Variants in KIAA1671 observed in about 807,000 individuals in gnomAD.
The protein encoded by KIAA1671 is KIAA1671.
KIAA1671 carries 52 observed loss-of-function variants against 131.2 expected under a neutral mutation model. The ratio of observed to expected loss-of-function variants is 0.40; its 90% CI spans 0.32 to 0.50. KIAA1671 has a LOEUF of 0.50. Among genes scored for constraint, KIAA1671 ranks in the 20% least tolerant of loss-of-function variants. The pLI is 0.73. For missense variants in KIAA1671, 2,360 were observed against 2,364.2 expected, an observed-to-expected ratio of 1.00 and a Z score of 0.04; for synonymous variants, 1,003 against 961.6, an observed-to-expected ratio of 1.04 and a Z score of -0.80.
chr22:25,132,450 A>G (rs1038724108), intron 6 of KIAA1671, among the ~76,000 whole-genome samples: 1 of 152,314 alleles, frequency 6.6e-6, no homozygotes, highest in East Asian at 1.9e-4. Context: ...ATCAAATCCC[A>G]GATCTGCCAG....
At chr22:25,100,855 G>A (rs1290979755) in intron 6 of KIAA1671, among the ~76,000 whole-genome samples, 1 of 152,112 alleles carries the variant, frequency 6.6e-6, no homozygotes, top group Non-Finnish European at 1.5e-5. Context: ...AGGATGGGAG[G>A]GAGGAAGCAA....
At chr22:24,960,743 G>A (rs1454556081) in intron 1 of KIAA1671, among the ~76,000 whole-genome samples, 1 of 149,656 alleles carries the variant, frequency 6.7e-6, no homozygotes, top group East Asian at 2.0e-4. Flanking sequence ...GTAGTAGGCT[G>A]GAGGACAGAT....
At chr22:25,083,440 A>G (rs1028712028) in intron 6 of KIAA1671, among the ~76,000 whole-genome samples, 11 of 152,184 alleles carry the variant, frequency 7.2e-5, no homozygotes, top group Non-Finnish European at 4.4e-5. Context: ...TGGGGGGAAT[A>G]TATTTCAGTC....
Position 25,093,736 on chromosome 22 carries a change from C to CTG in KIAA1671, c.4530+44372_4530+44373insTG, listed in dbSNP as rs1568950981. ...ACACACACACACACACACACACACA[C>CTG]ACTCTCTCTCTCTCTCTCTCTCTCT... On this transcript the variant is annotated intron_variant, in intron 6 of 12. Transcript: ENST00000358431. 4.3e-5 allele frequency among the ~76,000 whole-genome samples: 5 copies of CTG among 115,312 alleles called. 1 individual carries two copies. The highest frequency in any genetic ancestry group is 2.1e-4 in the African/African-American group (5 of 23,738). 75.6% of individuals were successfully genotyped at this position (115,312 alleles called of 152,430 possible). A position where few individuals can be genotyped will look rare whatever the true frequency, so the allele number is the denominator to read the frequency against.
rs926542228 is a variant in KIAA1671 at position 25,138,038 on chromosome 22, A to C, written c.4531-32782A>C. Among the ~76,000 whole-genome samples the C allele has an allele frequency of 5.3e-4, 80 of 152,244 alleles. 1 individual carries two copies. The highest frequency in any genetic ancestry group is 1.7e-3 in the African/African-American group (72 of 41,464). On this transcript the variant is annotated intron_variant, in intron 6 of 12. Coordinates refer to ENST00000358431, the MANE Select transcript of KIAA1671 (RefSeq NM_001145206.2). The stretch of plus-strand genomic sequence containing the variant: ...CTCATTTTTCTTGTGCTTGTCTAAA[A>C]ATTGTTTGCCTCTGTATCTGTCAGG...
In KIAA1671 at chr22:25,197,065, G is replaced by C. The variant is rs1048734177; in HGVS notation, c.*4664G>C. The stretch of plus-strand genomic sequence containing the variant: ...GATAGAAAAGGAGCTCGAGTTCTTT[G>C]TGTAGGAAAGTTAAGCTTCCTGCCT... On this transcript the variant is annotated 3_prime_UTR_variant, in exon 13 of 13. Coordinates refer to ENST00000358431, the MANE Select transcript of KIAA1671 (RefSeq NM_001145206.2). 6.6e-6 allele frequency: 1 copy of C among 152,146 alleles called. No homozygotes were observed. Among genetic ancestry groups the C allele is most frequent in the African/African-American group, 2.4e-5 (1 of 41,428 alleles). The allele number at this position is 152,146 out of a possible 1,614,324, so 9.4% of individuals were successfully genotyped here.
intron 6 of KIAA1671, among the ~76,000 whole-genome samples, chr22:25,163,347 T>C (rs1933518149): frequency 6.9e-6 from 1 of 145,758 alleles, no homozygotes; most frequent in Non-Finnish European, 1.5e-5. Flanking sequence ...TTTTTTTTTT[T>C]TTTTTTTTTT....
intron 7 of KIAA1671, among the ~76,000 whole-genome samples, 195 bp downstream of exon 7, chr22:25,171,133 C>T (rs1048261640): frequency 9.2e-5 from 14 of 152,210 alleles, no homozygotes; most frequent in African/African-American, 3.4e-4. Flanking sequence ...GGTGCGGTGG[C>T]TCACGTCTGT....
chr22:25,113,405 G>A (rs528614079), intron 6 of KIAA1671, among the ~76,000 whole-genome samples: 19 of 152,348 alleles, frequency 1.2e-4, no homozygotes, highest in African/African-American at 3.8e-4. Context: ...GACTGTGTTG[G>A]CCCAGTTTAT....
chr22:25,045,483 C>G (rs1322458501), intron 5 of KIAA1671, among the ~76,000 whole-genome samples: 1 of 152,196 alleles, frequency 6.6e-6, no homozygotes, highest in African/African-American at 2.4e-5. Context: ...GGTTGAGGAA[C>G]CCTGGTCTAG....
At chr22:24,971,845 C>T (rs926348667) in intron 1 of KIAA1671, among the ~76,000 whole-genome samples, 4 of 152,250 alleles carry the variant, frequency 2.6e-5, no homozygotes, top group African/African-American at 9.6e-5. Context: ...GAATTCTTAA[C>T]GTGCCACAGT....
At chr22:25,178,780 C>T (rs962178944) in intron 9 of KIAA1671, among the ~76,000 whole-genome samples, 2 of 152,068 alleles carry the variant, frequency 1.3e-5, no homozygotes, top group African/African-American at 4.8e-5. Context: ...GCAGCCCCCA[C>T]CCACCCCCTG....
intron 7 of KIAA1671, among the ~76,000 whole-genome samples, chr22:25,173,582 CTG>C (rs891274801): frequency 4.6e-5 from 7 of 152,168 alleles, no homozygotes; most frequent in Admixed American, 3.3e-4. Flanking sequence ...AAACACCACT[CTG>C]TACCCCGGAA....
chr22:25,003,020 G>T (rs989709526), intron 1 of KIAA1671, among the ~76,000 whole-genome samples: 2 of 152,098 alleles, frequency 1.3e-5, no homozygotes, highest in Admixed American at 6.6e-5. Flanking sequence ...TGATCCATCC[G>T]CCTCGGCCTC....
intron 1 of KIAA1671, among the ~76,000 whole-genome samples, chr22:25,018,361 T>C (rs1007240994): frequency 8.5e-5 from 13 of 152,132 alleles, no homozygotes; most frequent in Non-Finnish European, 1.2e-4. Context: ...TGTTTGTTTT[T>C]TAGTTGTTTG....
At chr22:25,116,508 G>A (rs139448861) in intron 6 of KIAA1671, among the ~76,000 whole-genome samples, 2,152 of 151,990 alleles carry the variant, frequency 0.014, 21 homozygotes, top group Non-Finnish European at 0.019. Flanking sequence ...TGCAACCTCC[G>A]CCTCCTGGGT....
intron 6 of KIAA1671, among the ~76,000 whole-genome samples, chr22:25,071,191 G>A (rs1275040137): frequency 2.0e-5 from 3 of 152,182 alleles, no homozygotes; most frequent in Non-Finnish European, 4.4e-5. Context: ...AATTGTCATG[G>A]GCTGGTCTCA....
chr22:25,099,635 A>G (rs1302901735), intron 6 of KIAA1671, among the ~76,000 whole-genome samples: 1 of 138,482 alleles, frequency 7.2e-6, no homozygotes, highest in Admixed American at 7.9e-5. Flanking sequence ...GCTCACTGCA[A>G]CCTCTGCCTC....
In KIAA1671 at chr22:25,192,991, C is replaced by T. The variant is rs1934717394; in HGVS notation, c.*590C>T. The T allele has an allele frequency of 6.6e-6, 1 of 152,038 alleles. No individual in the cohort carries two copies. The highest frequency in any genetic ancestry group is 1.5e-5 in the Non-Finnish European group (1 of 68,014). The allele number at this position is 152,038 out of a possible 1,614,324, so 9.4% of individuals were successfully genotyped here. A position where few individuals can be genotyped will look rare whatever the true frequency, so the allele number is the denominator to read the frequency against. ...CAGTTCCAATTTTTAAACATACTCT[C>T]CCTGATTATGTGTATTTCTCTTTCT... is the stretch of plus-strand genomic sequence containing the variant. On this transcript the variant is annotated 3_prime_UTR_variant, in exon 13 of 13. Transcript: ENST00000358431.
Sources: allele counts gnomAD v4.1 joint callset (sites outside exome capture counted in the v4.1 genomes callset), GRCh38; gene constraint gnomAD v4.1.1; transcripts MANE v1.5; gene names NCBI Gene and HGNC (gene_info 2026-07-23, HGNC 2026-07-21).